GALNT9: variants seen among roughly 807,000 people sequenced by gnomAD.
The protein encoded by GALNT9 is GalNAc transferase 9.
Under a neutral mutation model 63.1 loss-of-function variants are expected in GALNT9, and 47 were observed. The ratio of observed to expected loss-of-function variants is 0.75; its 90% CI spans 0.59 to 0.95. The LOEUF is 0.95. GALNT9 is among the 40% of genes least tolerant of loss of function. The pLI is 0.00. For synonymous variants in GALNT9, 396 were observed against 365.7 expected, an observed-to-expected ratio of 1.08 and a Z score of -0.94; for missense variants, 829 against 874.8, an observed-to-expected ratio of 0.95 and a Z score of 0.66.
At position 132,325,481 on chromosome 12, in the gene GALNT9, A is replaced by AG. The variant is rs1320191161; in HGVS notation, c.238+3484dup. Among the ~76,000 whole-genome samples the AG allele has an allele frequency of 4.6e-5, 7 of 152,248 alleles. No individual in the cohort carries two copies. In the East Asian group the frequency reaches 9.7e-4, roughly 21 times the overall value. Reference sequence around the variant, plus strand: ...AGGAAGCCTGAGTCCATGTCCCCAGAGGGGGGGCCGTGGGCAGGATGAGCG... The same window carrying AG: ...AGGAAGCCTGAGTCCATGTCCCCAGAGGGGGGGGCCGTGGGCAGGATGAGCG... On this transcript the variant is annotated intron_variant, in intron 1 of 10. Coordinates refer to ENST00000328957, the MANE Select transcript of GALNT9 (RefSeq NM_001122636.2).
Position 132,271,817 on chromosome 12 carries a change from C to T in GALNT9, c.420-9192G>A, listed in dbSNP as rs528084810. On this transcript the variant is annotated intron_variant, in intron 2 of 10. Coordinates refer to ENST00000328957, the MANE Select transcript of GALNT9 (RefSeq NM_001122636.2). ...CACAGAACGTGCAGGGAGGCTCCCA[C>T]GCGTGGGAGGCCGTGGCTGCCAGGA... Among the ~76,000 whole-genome samples the T allele has an allele frequency of 1.2e-4, 18 of 152,202 alleles. No individual in the cohort carries two copies. The South Asian group carries it at 2.3e-3, about 19-fold the overall frequency.
chr12:132,257,006 T>G (rs1306295770), intron 5 of GALNT9, among the ~76,000 whole-genome samples: 2 of 152,130 alleles, frequency 1.3e-5, no homozygotes, highest in Admixed American at 6.5e-5. Context: ...AACGGGGGGC[T>G]TCAGCAGCTG....
chr12:132,196,393 CTG>C lies in GALNT9; in HGVS notation c.*712_*713del, dbSNP rs1218707369. 1.8e-5 allele frequency: 18 copies of C among 973,534 alleles called. No individual in the cohort carries two copies. Among genetic ancestry groups the C allele is most frequent in the South Asian group, 4.7e-5 (1 of 21,086 alleles). 60.3% of individuals were successfully genotyped at this position (973,534 alleles called of 1,614,324 possible). ...TGGGTGTGGCTGGGCGCCAATAAAA[CTG>C]TATTTATTAAAACAGGCAAGGGGCT... On this transcript the variant is annotated 3_prime_UTR_variant, in exon 11 of 11. Transcript: ENST00000328957.
intron 6 of GALNT9, among the ~76,000 whole-genome samples, chr12:132,239,789 G>C (rs2136897429): frequency 4.6e-5 from 7 of 152,148 alleles, no homozygotes; most frequent in Non-Finnish European, 7.4e-5. Flanking sequence ...GGGAGGCAGA[G>C]ACAGATGCAG....
rs55633627 is a variant in GALNT9, at chr12:132,282,193, T to C, written c.419+4057A>G. 5.5e-3 allele frequency among the ~76,000 whole-genome samples: 565 copies of C among 103,546 alleles called. 1 individual carries two copies. Among genetic ancestry groups the C allele is most frequent in the African/African-American group, 0.027 (446 of 16,698 alleles). 67.9% of individuals were successfully genotyped at this position (103,546 alleles called of 152,430 possible). On this transcript the variant is annotated intron_variant, in intron 2 of 10. Coordinates refer to ENST00000328957, the MANE Select transcript of GALNT9 (RefSeq NM_001122636.2). The surrounding 1 kb of genome is among the most constrained non-coding windows in gnomAD (Gnocchi z 4.5). ...CAGCAAGCCCAGGCCTGGGGGTCCC[T>C]GATCCCACAGAAGAGGAATCAGCTC... is the stretch of plus-strand genomic sequence containing the variant.
rs762376751 is a variant in GALNT9, at chr12:132,319,665, C to T, written c.238+9301G>A. ...TGAGTTTGCTTTTCAACAGGCCTTT[C>T]CGTCTGGGGCAGGTCAACACCCCAC... On this transcript the variant is annotated intron_variant, in intron 1 of 10. Coordinates refer to ENST00000328957, the MANE Select transcript of GALNT9 (RefSeq NM_001122636.2). This position sits in a 1 kb window ranked among gnomAD's most constrained non-coding sequence, Gnocchi z 5.2. Among the ~76,000 whole-genome samples the T allele has an allele frequency of 2.6e-5, 4 of 152,176 alleles. No individual in the cohort carries two copies. Among genetic ancestry groups the T allele is most frequent in the Non-Finnish European group, 5.9e-5 (4 of 68,016 alleles).
At chr12:132,328,486 C>T (rs1340883221) in intron 1 of GALNT9, among the ~76,000 whole-genome samples, 3 of 152,204 alleles carry the variant, frequency 2.0e-5, no homozygotes, top group Non-Finnish European at 4.4e-5. Context: ...GGGGTGCCTT[C>T]GAACCTCAGG....
At chr12:132,218,833 C>T (rs1303910664) in intron 6 of GALNT9, among the ~76,000 whole-genome samples, 1 of 152,230 alleles carries the variant, frequency 6.6e-6, no homozygotes, top group Non-Finnish European at 1.5e-5. Flanking sequence ...GTTGTCCAGA[C>T]CCTCCCACTC....
chr12:132,281,684 G>A lies in GALNT9; in HGVS notation c.419+4566C>T, dbSNP rs370093962. Among the ~76,000 whole-genome samples the A allele has an allele frequency of 4.6e-5, 7 of 152,314 alleles. No individual in the cohort carries two copies. In the South Asian group the frequency reaches 8.3e-4, roughly 18 times the overall value. On this transcript the variant is annotated intron_variant, in intron 2 of 10. Coordinates refer to ENST00000328957, the MANE Select transcript of GALNT9 (RefSeq NM_001122636.2). ...GCCACTTCTGCCAGACTTTATCTTG[G>A]CAGACAGGTTTCCTACAGCAGCGGC... is the stretch of plus-strand genomic sequence containing the variant.
rs1195853454 is a variant in GALNT9, at chr12:132,327,800, G to A, written c.238+1166C>T. Among the ~76,000 whole-genome samples the A allele has an allele frequency of 6.6e-6, 1 of 152,022 alleles. No individual in the cohort carries two copies. Among genetic ancestry groups the A allele is most frequent in the Non-Finnish European group, 1.5e-5 (1 of 67,992 alleles). ...AGCTGGGACAACCCCTCCTCATGGGGATTCACCTCCCCCTCCCACCCCACG... is the reference window on the plus strand; with the variant it reads ...AGCTGGGACAACCCCTCCTCATGGGAATTCACCTCCCCCTCCCACCCCACG... On this transcript the variant is annotated intron_variant, in intron 1 of 10. Transcript: ENST00000328957. The surrounding 1 kb of genome is among the most constrained non-coding windows in gnomAD (Gnocchi z 4.3).
At position 132,282,567 on chromosome 12, in the gene GALNT9, C is replaced by T. The variant is rs1424711866; in HGVS notation, c.419+3683G>A. ...CCCCTTCTTGGGTTTCGTGAGGGAC[C>T]CTGGAAGCTCCAAGCTCTCCCCTCT... On this transcript the variant is annotated intron_variant, in intron 2 of 10. Coordinates refer to ENST00000328957, the MANE Select transcript of GALNT9 (RefSeq NM_001122636.2). The surrounding 1 kb of genome is among the most constrained non-coding windows in gnomAD (Gnocchi z 4.5). Among the ~76,000 whole-genome samples the T allele has an allele frequency of 1.3e-5, 2 of 152,046 alleles. No individual in the cohort carries two copies. Among genetic ancestry groups the T allele is most frequent in the African/African-American group, 4.8e-5 (2 of 41,412 alleles).
intron 6 of GALNT9, among the ~76,000 whole-genome samples, chr12:132,213,827 T>C (rs1055849579): frequency 2.0e-5 from 3 of 152,180 alleles, no homozygotes; most frequent in African/African-American, 4.8e-5. Context: ...TGCAGACACG[T>C]CCCAGAAGCT....
At chr12:132,318,747 T>G (rs1868643426) in intron 1 of GALNT9, among the ~76,000 whole-genome samples, 2 of 152,134 alleles carry the variant, frequency 1.3e-5, no homozygotes, top group Non-Finnish European at 2.9e-5. Flanking sequence ...TGCCTGGCAA[T>G]CCCAGCTGTG....
intron 6 of GALNT9, among the ~76,000 whole-genome samples, chr12:132,214,448 T>C (rs1041237883): frequency 2.0e-5 from 3 of 152,106 alleles, no homozygotes. Context: ...CCCCCCAGCG[T>C]CTTTCCAAAT....
At chr12:132,224,572 CCACA>C (rs1211046933) in intron 6 of GALNT9, among the ~76,000 whole-genome samples, 1 of 98,370 alleles carries the variant, frequency 1.0e-5, no homozygotes, top group South Asian at 3.3e-4. Flanking sequence ...AACCCACACC[CCACA>C]CACACACACC....
In GALNT9 at chr12:132,315,521, C is replaced by T. The variant is rs1257805109; in HGVS notation, c.238+13445G>A. Among the ~76,000 whole-genome samples the T allele has an allele frequency of 1.3e-5, 2 of 152,230 alleles. No individual in the cohort carries two copies. The highest frequency in any genetic ancestry group is 2.9e-5 in the Non-Finnish European group (2 of 68,042). ...TAAAATCAGGGCTTGCTGGGTTTCA[C>T]GCCGGAGCTGCACGCAGAGCTGATG... On this transcript the variant is annotated intron_variant, in intron 1 of 10. Transcript: ENST00000328957. This position sits in a 1 kb window ranked among gnomAD's most constrained non-coding sequence, Gnocchi z 6.1.
intron 6 of GALNT9, among the ~76,000 whole-genome samples, chr12:132,209,768 G>A (rs1213661056): frequency 2.0e-5 from 3 of 152,184 alleles, no homozygotes; most frequent in Admixed American, 6.5e-5. Flanking sequence ...CCTCAGTTCG[G>A]GGAAATCCTG....
intron 5 of GALNT9, among the ~76,000 whole-genome samples, chr12:132,249,633 A>T (rs1878835152): frequency 6.6e-6 from 1 of 152,228 alleles, no homozygotes; most frequent in Non-Finnish European, 1.5e-5. Context: ...AACAACCATC[A>T]TTTCAGGGTG....
chr12:132,199,931 GCCA>G (rs1875879977), intron 8 of GALNT9, among the ~76,000 whole-genome samples: 1 of 152,290 alleles, frequency 6.6e-6, no homozygotes, highest in East Asian at 1.9e-4. Flanking sequence ...ATCCACCACG[GCCA>G]CCACGAGAGG....
Sources: gnomAD v4.1 joint callset for allele counts (sites outside exome capture counted in the v4.1 genomes callset) on GRCh38, gnomAD v4.1.1 for gene constraint, Gnocchi (gnomAD v3.1) non-coding constraint, MANE v1.5 for transcripts, NCBI Gene and HGNC (gene_info 2026-07-23, HGNC 2026-07-21) for gene names.